The following PLCB1 variants were observed in gnomAD, a reference collection of about 807,000 sequenced individuals.
The protein encoded by PLCB1 is 1-phosphatidylinositol 4,5-bisphosphate phosphodiesterase beta-1.
PLCB1 carries 46 observed loss-of-function variants against 161.8 expected under a neutral mutation model. The observed-to-expected ratio is 0.28, with a 90% confidence interval of 0.22 to 0.36. The LOEUF is 0.36. Among genes scored for constraint, PLCB1 ranks in the 10% least tolerant of loss-of-function variants. The pLI is 1.00. For missense variants in PLCB1, 1,016 were observed against 1,472.5 expected, an observed-to-expected ratio of 0.69 and a Z score of 5.07; for synonymous variants, 517 against 503.7, an observed-to-expected ratio of 1.03 and a Z score of -0.35.
intron 2 of PLCB1, among the ~76,000 whole-genome samples, chr20:8,253,492 C>T (rs1028364603): frequency 6.6e-5 from 10 of 152,030 alleles, no homozygotes; most frequent in Middle Eastern, 3.4e-3. Context: ...TCACCATTTT[C>T]GACAAACCAT....
intron 3 of PLCB1, among the ~76,000 whole-genome samples, chr20:8,600,446 A>AGTCT (rs1268789842): frequency 1.8e-4 from 26 of 148,382 alleles, no homozygotes; most frequent in African/African-American, 4.3e-4. Flanking sequence ...TTGAGGAGGC[A>AGTCT]GTCTGCCCGT....
intron 2 of PLCB1, among the ~76,000 whole-genome samples, chr20:8,323,150 G>A (rs897863770): frequency 5.9e-5 from 9 of 152,112 alleles, no homozygotes; most frequent in Non-Finnish European, 1.2e-4. Flanking sequence ...GCGGGATTTG[G>A]TCATTCTCTT....
intron 27 of PLCB1, among the ~76,000 whole-genome samples, chr20:8,776,215 T>C (rs4816084): frequency 0.66 from 100,696 of 152,058 alleles, 33,520 homozygotes; most frequent in East Asian, 0.84. Context: ...ATTCTCACAA[T>C]AACCATTAGA....
intron 31 of PLCB1, among the ~76,000 whole-genome samples, chr20:8,881,332 TG>T (rs1987975158): frequency 1.0e-5 from 1 of 97,542 alleles, no homozygotes; most frequent in Non-Finnish European, 2.3e-5. Flanking sequence ...AAGACCCGTG[TG>T]TGTGTGTGTG....
chr20:8,268,920 A>T (rs555181567), intron 2 of PLCB1, among the ~76,000 whole-genome samples: 1 of 152,154 alleles, frequency 6.6e-6, no homozygotes, highest in Non-Finnish European at 1.5e-5. Context: ...CATTTATGAG[A>T]TATATTTTTA....
intron 31 of PLCB1, among the ~76,000 whole-genome samples, chr20:8,834,548 C>T (rs1027195317): frequency 4.6e-5 from 7 of 151,664 alleles, no homozygotes; most frequent in African/African-American, 1.7e-4. Flanking sequence ...AGCACAGTGG[C>T]TCACACCTGT....
rs116579927 is a variant in PLCB1, at chr20:8,479,900, C to T, written c.246+108450C>T. On this transcript the variant is annotated intron_variant, in intron 3 of 31. Coordinates refer to ENST00000338037, the MANE Select transcript of PLCB1 (RefSeq NM_015192.4). ...AACACAAATCTATATGCACAAAGCA[C>T]GTTCCATGCAGTCATGTCTTAGTTC... 9.6e-3 allele frequency among the ~76,000 whole-genome samples: 1,466 copies of T among 152,318 alleles called. 25 individuals are homozygous for T. Among genetic ancestry groups the T allele is most frequent in the African/African-American group, 0.033 (1,367 of 41,558 alleles).
chr20:8,285,968 C>CT (rs1164998546), intron 2 of PLCB1, among the ~76,000 whole-genome samples: 1 of 152,098 alleles, frequency 6.6e-6, no homozygotes, highest in Non-Finnish European at 1.5e-5. Context: ...TACATTAGTC[C>CT]TTTCATATAG....
chr20:8,663,084 A>G (rs1014825208), intron 9 of PLCB1, among the ~76,000 whole-genome samples: 3 of 152,006 alleles, frequency 2.0e-5, no homozygotes. Context: ...ATTGAGTCTT[A>G]TTTACCTGAG....
chr20:8,437,994 C>A (rs1980385097), intron 3 of PLCB1, among the ~76,000 whole-genome samples: 2 of 151,976 alleles, frequency 1.3e-5, no homozygotes, highest in Non-Finnish European at 1.5e-5. Flanking sequence ...TAAAAAAAGT[C>A]TATTTTATGA....
intron 2 of PLCB1, among the ~76,000 whole-genome samples, chr20:8,289,388 A>G (rs1393936770): frequency 6.6e-6 from 1 of 152,022 alleles, no homozygotes; most frequent in Non-Finnish European, 1.5e-5. Context: ...TTCCACTGAG[A>G]CTCCCGGGAA....
chr20:8,306,964 C>T (rs1368506378), intron 2 of PLCB1, among the ~76,000 whole-genome samples: 2 of 152,214 alleles, frequency 1.3e-5, no homozygotes, highest in Admixed American at 1.3e-4. Context: ...TTCTTCAGCT[C>T]ATTTGCAAAT....
At chr20:8,416,359 C>A (rs996769980) in intron 3 of PLCB1, among the ~76,000 whole-genome samples, 1 of 151,958 alleles carries the variant, frequency 6.6e-6, no homozygotes, top group Non-Finnish European at 1.5e-5. Flanking sequence ...TAGAAAAAGT[C>A]TTTTTAATGT....
intron 2 of PLCB1, among the ~76,000 whole-genome samples, chr20:8,267,282 C>T (rs1982015391): frequency 6.6e-6 from 1 of 152,110 alleles, no homozygotes; most frequent in Admixed American, 6.5e-5. Context: ...TTTATTAGCC[C>T]CCAACTGAGT....
chr20:8,446,044 C>T (rs1473845148), intron 3 of PLCB1, among the ~76,000 whole-genome samples: 5 of 152,108 alleles, frequency 3.3e-5, no homozygotes, highest in Non-Finnish European at 1.5e-5. Context: ...GGAATCCTCC[C>T]TAACTCATTT....
intron 12 of PLCB1, among the ~76,000 whole-genome samples, chr20:8,712,667 A>C (rs1201916130): frequency 6.6e-6 from 1 of 152,254 alleles, no homozygotes; most frequent in East Asian, 1.9e-4. Flanking sequence ...ATTTTGAACA[A>C]GGTTCTTAAT....
chr20:8,302,722 T>A (rs190636483), intron 2 of PLCB1, among the ~76,000 whole-genome samples: 85 of 152,318 alleles, frequency 5.6e-4, no homozygotes, highest in African/African-American at 1.7e-3. Context: ...TTAATTTTTT[T>A]AATTTTATTT....
intron 31 of PLCB1, among the ~76,000 whole-genome samples, chr20:8,867,430 G>C (rs1987466523): frequency 6.6e-6 from 1 of 152,220 alleles, no homozygotes; most frequent in Non-Finnish European, 1.5e-5. Context: ...AATTCATAAT[G>C]TATGTTCAGT....
chr20:8,593,658 TTA>T (rs1420985296), intron 3 of PLCB1, among the ~76,000 whole-genome samples: 1 of 152,006 alleles, frequency 6.6e-6, no homozygotes, highest in African/African-American at 2.4e-5. Context: ...TTTTTTATTT[TTA>T]TTTTTTTAAT....
Sources: gnomAD v4.1 joint callset for allele counts (sites outside exome capture counted in the v4.1 genomes callset) on GRCh38, gnomAD v4.1.1 for gene constraint, MANE v1.5 for transcripts, NCBI Gene and HGNC (gene_info 2026-07-23, HGNC 2026-07-21) for gene names.